The following RNF220 variants were observed in gnomAD, a reference collection of about 807,000 sequenced individuals.
RNF220 encodes ring finger protein 220.
A neutral mutation model predicts 67.1 loss-of-function variants in RNF220; 7 were observed. The observed-to-expected ratio is 0.10, with a 90% CI of 0.06 to 0.20. The LOEUF (loss-of-function observed/expected upper bound fraction) is 0.20. Ranked by LOEUF, RNF220 falls within the 10% of genes least tolerant of loss-of-function variation. The pLI, the probability that RNF220 is intolerant of heterozygous loss-of-function variation, is 1.00. For missense variants in RNF220, 565 were observed against 740.3 expected (o/e 0.76, Z 2.75); for synonymous variants, 270 against 283.2 (o/e 0.95, Z 0.47).
chr1:44,485,003 C>T (rs2148033744), intron 2 of RNF220, among the ~76,000 whole-genome samples: 1 of 152,268 alleles, frequency 6.6e-6, no homozygotes, highest in African/African-American at 2.4e-5. Flanking sequence ...ATTAGCTGGG[C>T]ATGGTGGCAC....
chr1:44,469,145 A>G (rs1440727238), intron 2 of RNF220, among the ~76,000 whole-genome samples: 3 of 152,224 alleles, frequency 2.0e-5, no homozygotes, highest in African/African-American at 7.2e-5. Context: ...CCTAATTTAT[A>G]TATTATTAAA....
Position 44,632,325 on chromosome 1 carries a change from C to T in RNF220, c.907-18C>T. On this transcript the variant is annotated intron_variant, in intron 5 of 14. Coordinates refer to ENST00000361799, the MANE Select transcript of RNF220 (RefSeq NM_018150.4). ...GCTCTCTTTTCTTTTCTTGCATCTG[C>T]CCGCGATCTTCTCCCAGACCTTTCT... 1 of 1,614,116 alleles carries T rather than the reference C, an allele frequency of 6.2e-7. No homozygotes were observed. The highest frequency in any genetic ancestry group is 1.1e-5 in the South Asian group (1 of 91,084).
chr1:44,465,556 C>T (rs1191675369), intron 2 of RNF220, among the ~76,000 whole-genome samples: 1 of 151,634 alleles, frequency 6.6e-6, no homozygotes, highest in African/African-American at 2.4e-5. Context: ...AGGCATGCAC[C>T]ACCACACCTG....
intron 2 of RNF220, chr1:44,423,953 C>T (rs1649484223): frequency 1.4e-5 from 14 of 985,416 alleles, no homozygotes; most frequent in Non-Finnish European, 1.7e-5. Context: ...TCCTTCCAGG[C>T]GGGGCCTCTG....
chr1:44,540,541 C>T (rs1224847181), intron 2 of RNF220, among the ~76,000 whole-genome samples: 1 of 152,134 alleles, frequency 6.6e-6, no homozygotes, highest in East Asian at 1.9e-4. Flanking sequence ...GTTGCGTTCC[C>T]TCTCACTCAC....
chr1:44,481,201 T>C (rs1363614781), intron 2 of RNF220, among the ~76,000 whole-genome samples: 1 of 151,938 alleles, frequency 6.6e-6, no homozygotes, highest in Non-Finnish European at 1.5e-5. Context: ...GGTGGGAGGA[T>C]TGCATGAGCC....
chr1:44,563,626 A>G (rs529064363), intron 2 of RNF220, among the ~76,000 whole-genome samples: 2 of 152,338 alleles, frequency 1.3e-5, no homozygotes, highest in Admixed American at 6.5e-5. Flanking sequence ...ATAGTTTCAA[A>G]TCCTAGCTCC....
intron 3 of RNF220, among the ~76,000 whole-genome samples, chr1:44,616,941 C>T (rs1426728159): frequency 1.3e-5 from 2 of 152,280 alleles, no homozygotes; most frequent in South Asian, 2.1e-4. Context: ...TTCCACACCC[C>T]CACCCATGAC....
intron 2 of RNF220, among the ~76,000 whole-genome samples, chr1:44,452,350 T>C (rs2147933388): frequency 6.6e-6 from 1 of 151,966 alleles, no homozygotes; most frequent in East Asian, 2.0e-4. Context: ...GGTCAGGAGT[T>C]CGAGACCAGC....
At chr1:44,512,831 G>A (rs985835871) in intron 2 of RNF220, among the ~76,000 whole-genome samples, 12 of 152,104 alleles carry the variant, frequency 7.9e-5, no homozygotes, top group African/African-American at 2.9e-4. Flanking sequence ...GGTGGCACAG[G>A]GGCCTCACCC....
intron 2 of RNF220, among the ~76,000 whole-genome samples, chr1:44,453,673 G>GT (rs1011918014): frequency 1.6e-4 from 24 of 151,546 alleles, no homozygotes; most frequent in African/African-American, 5.8e-4. Context: ...CATGAAAATT[G>GT]TTTTTTTAAG....
At chr1:44,405,082 G>T (rs553409033), upstream of RNF220, 2 of 164,442 alleles carry the variant, frequency 1.2e-5, no homozygotes, top group African/African-American at 4.8e-5. Context: ...GGGCCAGCAG[G>T]TCTGTTCTCC....
chr1:44,488,572 C>T (rs1656553563), intron 2 of RNF220, among the ~76,000 whole-genome samples: 2 of 152,194 alleles, frequency 1.3e-5, no homozygotes, highest in Non-Finnish European at 2.9e-5. Flanking sequence ...GCCTCAGCTT[C>T]CCGAAGTGCT....
intron 2 of RNF220, among the ~76,000 whole-genome samples, chr1:44,527,495 C>T (rs1033415237): frequency 9.9e-5 from 15 of 152,122 alleles, no homozygotes; most frequent in Admixed American, 7.2e-4. Flanking sequence ...CTATGATGTA[C>T]ACCTGTAATC....
intron 2 of RNF220, among the ~76,000 whole-genome samples, chr1:44,460,684 C>A (rs943824973): frequency 2.0e-5 from 3 of 152,228 alleles, no homozygotes; most frequent in Admixed American, 6.5e-5. Context: ...CTTCCCCAGA[C>A]AAGCGCCCAG....
chr1:44,505,152 G>A (rs374992256), intron 2 of RNF220, among the ~76,000 whole-genome samples: 1 of 152,188 alleles, frequency 6.6e-6, no homozygotes, highest in Non-Finnish European at 1.5e-5. Context: ...GCATCACACA[G>A]CTTCTAAGTG....
chr1:44,489,369 G>A (rs1474422615), intron 2 of RNF220, among the ~76,000 whole-genome samples: 1 of 152,242 alleles, frequency 6.6e-6, no homozygotes, highest in African/African-American at 2.4e-5. Context: ...TGAAGCAGAA[G>A]ATGGTAAACA....
chr1:44,511,716 T>C (rs954521389), intron 2 of RNF220, among the ~76,000 whole-genome samples: 1 of 152,190 alleles, frequency 6.6e-6, no homozygotes, highest in Non-Finnish European at 1.5e-5. Flanking sequence ...GAACCACTTA[T>C]AATTATGTCT....
intron 2 of RNF220, among the ~76,000 whole-genome samples, chr1:44,548,926 G>A (rs757532650): frequency 2.0e-5 from 3 of 152,206 alleles, no homozygotes; most frequent in Non-Finnish European, 2.9e-5. Flanking sequence ...TTGGCCGGGC[G>A]TGGTGGCTTA....
Sources: gnomAD v4.1 joint callset for allele counts (sites outside exome capture counted in the v4.1 genomes callset) on GRCh38, gnomAD v4.1.1 for gene constraint, MANE v1.5 for transcripts, NCBI Gene and HGNC (gene_info 2026-07-23, HGNC 2026-07-21) for gene names.